SETD6: variants seen among roughly 807,000 people sequenced by gnomAD.
SETD6 encodes the protein N-lysine methyltransferase SETD6.
SETD6 carries 67 observed loss-of-function variants against 52.7 expected under a neutral mutation model. The ratio of observed to expected loss-of-function variants is 1.27; its 90% CI spans 1.04 to 1.56. The LOEUF (loss-of-function observed/expected upper bound fraction) is 1.56. Among genes scored for constraint, SETD6 ranks in the 40% most tolerant of loss-of-function variants. SETD6 has a pLI of 0.00. For synonymous variants in SETD6, 307 were observed against 250.2 expected (o/e 1.23, Z -2.14); for missense variants, 712 against 607.5 (o/e 1.17, Z -1.81).
In SETD6 at chr16:58,523,064, G is replaced by A. The variant is rs39719; in HGVS notation, c.*4035G>A. The stretch of plus-strand genomic sequence containing the variant: ...AGTTCAAGATCAGCCTGGCCAACAT[G>A]GTGAAACCCCGTCTCTACTAAAATA... On this transcript the variant is annotated 3_prime_UTR_variant, in exon 8 of 8. Coordinates refer to ENST00000219315, the MANE Select transcript of SETD6 (RefSeq NM_001160305.4). The A allele has an allele frequency of 0.12, 19,845 of 169,160 alleles. 1,518 individuals carry two copies. The highest frequency in any genetic ancestry group is 0.16 in the Non-Finnish European group (12,472 of 78,960). The allele number at this position is 169,160 out of a possible 1,614,324, so 10.5% of individuals were successfully genotyped here.
Position 58,520,523 on chromosome 16 carries a change from T to A in SETD6, c.*1494T>A, listed in dbSNP as rs368122381. The A allele has an allele frequency of 8.7e-5, 15 of 173,028 alleles. 1 individual carries two copies. The South Asian group carries it at 2.0e-3, about 23-fold the overall frequency. 10.7% of individuals were successfully genotyped at this position (173,028 alleles called of 1,614,324 possible). On this transcript the variant is annotated 3_prime_UTR_variant, in exon 8 of 8. Transcript: ENST00000219315. The stretch of plus-strand genomic sequence containing the variant: ...GTCCACATTAAAAAAATAAGTTACA[T>A]AATATTCAAACTGGCTTTTTGCTAT...
chr16:58,520,878 G>T lies in SETD6; in HGVS notation c.*1849G>T. 7.0e-7 allele frequency: 1 copy of T among 1,436,674 alleles called. No homozygotes were observed. Among genetic ancestry groups the T allele is most frequent in the Non-Finnish European group, 9.7e-7 (1 of 1,031,208 alleles). 89.0% of individuals were successfully genotyped at this position (1,436,674 alleles called of 1,614,324 possible). A position where few individuals can be genotyped will look rare whatever the true frequency, so the allele number is the denominator to read the frequency against. On this transcript the variant is annotated 3_prime_UTR_variant, in exon 8 of 8. Transcript: ENST00000219315. The stretch of plus-strand genomic sequence containing the variant: ...AGGGCTGGGAAAGTCAGGAAGAGCT[G>T]AAAGGATTCTTCAGTCAGTTTATGA...
In SETD6 at chr16:58,522,386, G is replaced by A. The variant is rs972774491; in HGVS notation, c.*3357G>A. 6.6e-6 allele frequency among the ~76,000 whole-genome samples: 1 copy of A among 151,752 alleles called. No individual in the cohort carries two copies. The highest frequency in any genetic ancestry group is 1.5e-5 in the Non-Finnish European group (1 of 67,998). ...ACATGAAGCATAACAAAGATTACAA[G>A]TCCAAGGAGACTTACTGCAGCTTTA... On this transcript the variant is annotated 3_prime_UTR_variant, in exon 8 of 8. Coordinates refer to ENST00000219315, the MANE Select transcript of SETD6 (RefSeq NM_001160305.4).
At position 58,516,851 on chromosome 16, in the gene SETD6, A is replaced by T. The variant is rs746804612; in HGVS notation, c.715A>T (p.Asn239Tyr). 6.8e-6 allele frequency: 11 copies of T among 1,614,068 alleles called. No homozygotes were observed. Among genetic ancestry groups the T allele is most frequent in the Admixed American group, 1.7e-5 (1 of 60,006 alleles). The change falls in exon 5 of 8, where the codon AAC becomes TAC. Residue 239 changes from asparagine to tyrosine, a missense_variant. Physicochemically the swap from Asn to Tyr is moderately radical, Grantham distance 143 (BLOSUM62 -2). Coordinates refer to ENST00000219315, the MANE Select transcript of SETD6 (RefSeq NM_001160305.4). The stretch of plus-strand genomic sequence containing the variant: ...GGAAGAAGAGGATGAAAAGGAGCCC[A>T]ACTCCCCCGTGATGGTGCCTGCTGC... The part of the protein sequence containing the change: ...LEEEEDEKEP[N>Y]SPVMVPAADI...
chr16:58,520,119 A>G lies in SETD6; in HGVS notation c.*1090A>G, dbSNP rs1463644050. 1.3e-5 allele frequency: 2 copies of G among 152,238 alleles called. No individual in the cohort carries two copies. The highest frequency in any genetic ancestry group is 2.9e-5 in the Non-Finnish European group (2 of 68,042). 9.4% of individuals were successfully genotyped at this position (152,238 alleles called of 1,614,324 possible). ...TATTGGTCCTTTCAACTTTGTCATT[A>G]TTCAGCTTAGCCTGTATGGCCATTC... On this transcript the variant is annotated 3_prime_UTR_variant, in exon 8 of 8. Transcript: ENST00000219315.
chr16:58,516,506 C>G lies in SETD6; in HGVS notation c.505C>G (p.Gln169Glu). Residue 169 changes from glutamine (Q) to glutamate (E), a missense_variant, in exon 4 of 8, where the codon CAG (glutamine) becomes GAG (glutamate). Coordinates refer to ENST00000219315, the MANE Select transcript of SETD6 (RefSeq NM_001160305.4). ...WPEEERRCLLQGTGVPEAVEK... is the reference protein window; with the variant it reads ...WPEEERRCLLEGTGVPEAVEK... Reference sequence around the variant, plus strand: ...AGAGGAGGAGCGCCGGTGCCTGCTCCAGGGCACAGGCGTACCTGAGGCCGT... The same window carrying G: ...AGAGGAGGAGCGCCGGTGCCTGCTCGAGGGCACAGGCGTACCTGAGGCCGT... The G allele has an allele frequency of 6.2e-7, 1 of 1,614,086 alleles. No individual in the cohort carries two copies. The highest frequency in any genetic ancestry group is 1.1e-5 in the South Asian group (1 of 91,068).
intron 7 of SETD6, 64 bp downstream of exon 7, chr16:58,518,607 A>C: frequency 1.3e-6 from 2 of 1,580,222 alleles, no homozygotes; most frequent in South Asian, 2.4e-5. Flanking sequence ...AATAGCTAGA[A>C]GATGAGAGAG....
Position 58,515,983 on chromosome 16 carries a change from G to A in SETD6, c.220G>A (p.Gly74Ser), listed in dbSNP as rs764883510. Residue 74 changes from glycine (G) to serine (S), a missense_variant, in exon 2 of 8, where the codon GGC becomes AGC. Gly to Ser is a moderately conservative substitution (Grantham distance 56, BLOSUM62 0). Transcript: ENST00000219315. Reference protein sequence around the residue: ...VAVSRQGTVAGYGMVARESVQ... With the variant: ...VAVSRQGTVASYGMVARESVQ... Reference sequence around the variant, plus strand: ...GGTCAGCCGGCAGGGCACGGTGGCCGGCTACGGCATGGTGGCCCGGGAGAG... The same window carrying A: ...GGTCAGCCGGCAGGGCACGGTGGCCAGCTACGGCATGGTGGCCCGGGAGAG... The A allele has an allele frequency of 1.4e-5, 22 of 1,539,882 alleles. No individual in the cohort carries two copies. The highest frequency in any genetic ancestry group is 1.9e-5 in the Non-Finnish European group (22 of 1,153,320).
In SETD6 at chr16:58,521,932, C is replaced by T. The variant is rs547634216; in HGVS notation, c.*2903C>T. Reference sequence around the variant, plus strand: ...TGCCACTGCACTCCAGCCTGGGAGACAGAGTGAGACCCTGTCTCAAATAAA... The same window carrying T: ...TGCCACTGCACTCCAGCCTGGGAGATAGAGTGAGACCCTGTCTCAAATAAA... On this transcript the variant is annotated 3_prime_UTR_variant, in exon 8 of 8. Transcript: ENST00000219315. 2.6e-5 allele frequency among the ~76,000 whole-genome samples: 4 copies of T among 152,092 alleles called. No individual in the cohort carries two copies. The highest frequency in any genetic ancestry group is 5.9e-5 in the Non-Finnish European group (4 of 68,024).
Position 58,516,662 on chromosome 16 carries a change from A to T in SETD6, c.661A>T (p.Met221Leu). 1 of 1,613,722 alleles carries T rather than the reference A, an allele frequency of 6.2e-7. No homozygotes were observed. Among genetic ancestry groups the T allele is most frequent in the Middle Eastern group, 1.6e-4 (1 of 6,062 alleles). Residue 221 changes from methionine (M) to leucine (L), a missense_variant, in exon 4 of 8, where the codon ATG (methionine) becomes TTG (leucine). Coordinates refer to ENST00000219315, the MANE Select transcript of SETD6 (RefSeq NM_001160305.4). ...ELYHQLVALVMAYSFQEPLEE... is the reference protein window; with the variant it reads ...ELYHQLVALVLAYSFQEPLEE... ...CTACCACCAGCTGGTGGCCCTTGTGATGGCCTATAGGTCAGTGGGTGGGGC... is the reference window on the plus strand; with the variant it reads ...CTACCACCAGCTGGTGGCCCTTGTGTTGGCCTATAGGTCAGTGGGTGGGGC...
At position 58,522,823 on chromosome 16, in the gene SETD6, C is replaced by T. The variant is rs2039450377; in HGVS notation, c.*3794C>T. The stretch of plus-strand genomic sequence containing the variant: ...TGTGGTAAACTACTTTTCATTTAAG[C>T]CATGATTGCGATTTATAATTCCCTA... On this transcript the variant is annotated 3_prime_UTR_variant, in exon 8 of 8. Transcript: ENST00000219315. The T allele has an allele frequency of 6.6e-6, 1 of 152,234 alleles. No homozygotes were observed. The highest frequency in any genetic ancestry group is 1.5e-5 in the Non-Finnish European group (1 of 68,052). The allele number at this position is 152,234 out of a possible 1,614,324, so 9.4% of individuals were successfully genotyped here.
Position 58,522,237 on chromosome 16 carries a change from C to CAAAAAAAAAAAAAAAAA in SETD6, c.*3222_*3238dup, listed in dbSNP as rs56149974. 1.0e-5 allele frequency among the ~76,000 whole-genome samples: 1 copy of CAAAAAAAAAAAAAAAAA among 98,556 alleles called. No homozygotes were observed. The highest frequency in any genetic ancestry group is 4.2e-5 in the African/African-American group (1 of 23,600). The allele number at this position is 98,556 out of a possible 152,430, so 64.7% of individuals were successfully genotyped here. On this transcript the variant is annotated 3_prime_UTR_variant, in exon 8 of 8. Coordinates refer to ENST00000219315, the MANE Select transcript of SETD6 (RefSeq NM_001160305.4). ...AGGAGGCGACAAAGCGAGACTGTCT[C>CAAAAAAAAAAAAAAAAA]AAAAAAAAAAAAAAAAAAAAAAAAA...
chr16:58,521,236 T>A lies in SETD6; in HGVS notation c.*2207T>A. Reference sequence around the variant, plus strand: ...ATTCATGGTTCCAGAACTTAAACGCTGGGTTTTTAATCAGCTCAATGAAGG... The same window carrying A: ...ATTCATGGTTCCAGAACTTAAACGCAGGGTTTTTAATCAGCTCAATGAAGG... On this transcript the variant is annotated 3_prime_UTR_variant, in exon 8 of 8. Transcript: ENST00000219315. 1 of 1,614,178 alleles carries A rather than the reference T, an allele frequency of 6.2e-7. No individual in the cohort carries two copies. Among genetic ancestry groups the A allele is most frequent in the Non-Finnish European group, 8.5e-7 (1 of 1,180,030 alleles).
At position 58,516,944 on chromosome 16, in the gene SETD6, C is replaced by G; in HGVS notation, c.792+16C>G. 6.2e-7 allele frequency: 1 copy of G among 1,614,122 alleles called. No individual in the cohort carries two copies. On this transcript the variant is annotated intron_variant, in intron 5 of 7. Transcript: ENST00000219315. ...ATACTCTGCGGTGAGTGGAGTTTCT[C>G]TTGGTGCACTGATTGAGCATGATTC... is the stretch of plus-strand genomic sequence containing the variant.
At position 58,520,255 on chromosome 16, in the gene SETD6, T is replaced by TGG. The variant is rs2039322932; in HGVS notation, c.*1228_*1229dup. The TGG allele has an allele frequency of 7.0e-6, 1 of 143,040 alleles. No homozygotes were observed. The highest frequency in any genetic ancestry group is 2.6e-5 in the African/African-American group (1 of 38,232). 8.9% of individuals were successfully genotyped at this position (143,040 alleles called of 1,614,324 possible). A position where few individuals can be genotyped will look rare whatever the true frequency, so the allele number is the denominator to read the frequency against. Reference sequence around the variant, plus strand: ...AGGATTGGGGGGGTGAGGGTAGGGGTGGGCTTTAGGCCTGGTCTGGTTTCC... The same window carrying TGG: ...AGGATTGGGGGGGTGAGGGTAGGGGTGGGGGCTTTAGGCCTGGTCTGGTTTCC... On this transcript the variant is annotated 3_prime_UTR_variant, in exon 8 of 8. Coordinates refer to ENST00000219315, the MANE Select transcript of SETD6 (RefSeq NM_001160305.4).
At chr16:58,517,018 G>A (rs1340331027) in intron 5 of SETD6, 90 bp downstream of exon 5, 4 of 1,590,244 alleles carry the variant, frequency 2.5e-6, no homozygotes, top group East Asian at 4.5e-5. Flanking sequence ...TACAAAATGA[G>A]TAGGTGAAAT....
rs2039107171 is a variant in SETD6, at chr16:58,515,817, C to A, written c.54C>A (p.Asp18Glu). 6.5e-7 allele frequency: 1 copy of A among 1,533,716 alleles called. No homozygotes were observed. Among genetic ancestry groups the A allele is most frequent in the East Asian group, 2.6e-5 (1 of 38,988 alleles). ...PRVAGPVDGG[D>E]LDPVACFLSW... is the part of the protein sequence containing the mutation. ...TGGCGGGGCCCGTGGACGGCGGCGA[C>A]CTGGATCCTGTGGCCTGCTTCCTGA... is the stretch of plus-strand genomic sequence containing the variant. Residue 18 changes from aspartate (D) to glutamate (E), a missense_variant, in exon 2 of 8, where the codon GAC (aspartate) becomes GAA (glutamate). Physicochemically the swap from Asp to Glu is conservative, Grantham distance 45. Coordinates refer to ENST00000219315, the MANE Select transcript of SETD6 (RefSeq NM_001160305.4).
At chr16:58,517,708 T>G (rs894742109) in intron 5 of SETD6, 1 of 317,964 alleles carries the variant, frequency 3.1e-6, no homozygotes, top group Non-Finnish European at 6.0e-6. Flanking sequence ...ACTCCTGATC[T>G]CAGGTGATCT....
chr16:58,516,360 G>GCTCC lies in SETD6; in HGVS notation c.476+17_476+18insCTCC, dbSNP rs2039150101. The GCTCC allele has an allele frequency of 1.2e-6, 2 of 1,609,708 alleles. No individual in the cohort carries two copies. Among genetic ancestry groups the GCTCC allele is most frequent in the Non-Finnish European group, 1.7e-6 (2 of 1,179,774 alleles). On this transcript the variant is annotated intron_variant, in intron 3 of 7. Coordinates refer to ENST00000219315, the MANE Select transcript of SETD6 (RefSeq NM_001160305.4). ...GATGTTCTGGTGAGAGCCTTGGGAGGGGTTGGGGAGCGCCTGCACCGTAGC... is the reference window on the plus strand; with the variant it reads ...GATGTTCTGGTGAGAGCCTTGGGAGGCTCCGGTTGGGGAGCGCCTGCACCGTAGC...
Sources: gnomAD v4.1 joint callset for allele counts (sites outside exome capture counted in the v4.1 genomes callset) on GRCh38, gnomAD v4.1.1 for gene constraint, MANE v1.5 for transcripts, NCBI Gene and HGNC (gene_info 2026-07-23, HGNC 2026-07-21) for gene names.